UMPS: variants seen among roughly 807,000 people sequenced by gnomAD.
The protein encoded by UMPS is uridine monophosphate synthetase, also known as uridine 5'-monophosphate synthase.
Under a neutral mutation model 38.9 loss-of-function variants are expected in UMPS, and 21 were observed. The observed-to-expected ratio is 0.54, with a 90% confidence interval of 0.38 to 0.78. UMPS has a LOEUF of 0.78. Ranked by LOEUF, UMPS falls within the 30% of genes least tolerant of loss-of-function variation. The probability of loss-of-function intolerance (pLI) is 0.00; values close to 1 mark genes in which losing one functional copy is unlikely to be tolerated. For missense variants in UMPS, 533 were observed against 591.6 expected, an observed-to-expected ratio of 0.90 and a Z score of 1.03; for synonymous variants, 208 against 219.3, an observed-to-expected ratio of 0.95 and a Z score of 0.45.
chr3:124,740,080 G>C lies in UMPS; in HGVS notation c.1039G>C (p.Gly347Arg). 6.2e-7 allele frequency: 1 copy of C among 1,614,150 alleles called. No individual in the cohort carries two copies. Among genetic ancestry groups the C allele is most frequent in the Non-Finnish European group, 8.5e-7 (1 of 1,180,044 alleles). ...TCTAGTAAATGCTCACGTGGTGCCA[G>C]GCTCAGGAGTTGTGAAAGGCCTGCA... ...ADLVNAHVVP[G>R]SGVVKGLQEV... Residue 347 changes from glycine to arginine, a missense_variant, in exon 4 of 6, where the codon GGC (glycine) becomes CGC (arginine). Gly to Arg is a moderately radical substitution (Grantham distance 125). Transcript: ENST00000232607.
chr3:124,736,341 A>G (rs2063517969), intron 2 of UMPS, among the ~76,000 whole-genome samples: 1 of 152,176 alleles, frequency 6.6e-6, no homozygotes. Context: ...TTGGTTTATT[A>G]GTGTTTTGTT....
rs1243953135 is a variant in UMPS, at chr3:124,748,850, C to T, written c.*4766C>T. The T allele has an allele frequency of 7.2e-6, 3 of 414,686 alleles. No individual in the cohort carries two copies. Among genetic ancestry groups the T allele is most frequent in the Non-Finnish European group, 1.4e-5 (3 of 208,576 alleles). 25.7% of individuals were successfully genotyped at this position (414,686 alleles called of 1,614,324 possible). ...AACATTATAGAGAAGCTGAATTCTC[C>T]TGTTTTTCTGAAAAGGGCATGGGAG... On this transcript the variant is annotated 3_prime_UTR_variant, in exon 6 of 6. Coordinates refer to ENST00000232607, the MANE Select transcript of UMPS (RefSeq NM_000373.4).
rs1407309927 is a variant in UMPS at position 124,749,197 on chromosome 3, T to A, written c.*5113T>A. ...CTTGAATAGATACTTGAAGCAGAGA[T>A]GATGTTGAGTTAAAAAAAATATATA... On this transcript the variant is annotated 3_prime_UTR_variant, in exon 6 of 6. Transcript: ENST00000232607. The A allele has an allele frequency of 4.4e-6, 2 of 454,010 alleles. No individual in the cohort carries two copies. Among genetic ancestry groups the A allele is most frequent in the Non-Finnish European group, 8.8e-6 (2 of 226,760 alleles). 28.1% of individuals were successfully genotyped at this position (454,010 alleles called of 1,614,324 possible). A position where few individuals can be genotyped will look rare whatever the true frequency, so the allele number is the denominator to read the frequency against.
chr3:124,738,149 T>A lies in UMPS; in HGVS notation c.892T>A (p.Leu298Met), dbSNP rs756427427. 6.2e-7 allele frequency: 1 copy of A among 1,614,148 alleles called. No individual in the cohort carries two copies. Among genetic ancestry groups the A allele is most frequent in the South Asian group, 1.1e-5 (1 of 91,086 alleles). The change falls in exon 3 of 6, where the codon TTG becomes ATG. Residue 298 changes from leucine to methionine, a missense_variant. Coordinates refer to ENST00000232607, the MANE Select transcript of UMPS (RefSeq NM_000373.4). Reference sequence around the variant, plus strand: ...TTTTACTCTGGATGTGATGAAGGAGTTGATAACTCTGGCAAAATGCCATGA... The same window carrying A: ...TTTTACTCTGGATGTGATGAAGGAGATGATAACTCTGGCAAAATGCCATGA... ...NDFTLDVMKE[L>M]ITLAKCHEFL...
Position 124,738,046 on chromosome 3 carries a change from C to T in UMPS, c.789C>T (p.Ala263=), listed in dbSNP as rs1379050869. Residue 263 remains alanine (A), a synonymous_variant, in exon 3 of 6, where the codon GCC becomes GCT. Coordinates refer to ENST00000232607, the MANE Select transcript of UMPS (RefSeq NM_000373.4). ...GTCTATCTGCTGATGTTTCACTGGC[C>T]AGAGAGCTGTTGCAGCTAGCAGATG... is the stretch of plus-strand genomic sequence containing the variant. ...NLCLSADVSL[A]RELLQLADAL... is the part of the protein sequence containing the mutation. The T allele has an allele frequency of 1.2e-6, 2 of 1,614,174 alleles. No homozygotes were observed. The highest frequency in any genetic ancestry group is 1.7e-6 in the Non-Finnish European group (2 of 1,180,036).
chr3:124,742,236 T>C lies in UMPS; in HGVS notation c.1243T>C (p.Leu415=). The C allele has an allele frequency of 6.2e-7, 1 of 1,614,178 alleles. No individual in the cohort carries two copies. The highest frequency in any genetic ancestry group is 8.5e-7 in the Non-Finnish European group (1 of 1,180,016). Residue 415 remains leucine (L), a synonymous_variant, in exon 5 of 6, where the codon TTG becomes CTG. Coordinates refer to ENST00000232607, the MANE Select transcript of UMPS (RefSeq NM_000373.4). The part of the protein sequence containing the change: ...RVSMKPEFLH[L]TPGVQLEAGG... ...AAGCATGAAACCAGAATTTCTTCAC[T>C]TGACTCCAGGAGTTCAGTTGGAAGC...
Position 124,744,296 on chromosome 3 carries a change from C to G in UMPS, c.*212C>G. On this transcript the variant is annotated 3_prime_UTR_variant, in exon 6 of 6. Coordinates refer to ENST00000232607, the MANE Select transcript of UMPS (RefSeq NM_000373.4). ...ATACTATAATAAGTTCATTCTTAAG[C>G]TTGCTTTTTTTGAGACTGGTGTTTG... is the stretch of plus-strand genomic sequence containing the variant. 1.5e-6 allele frequency: 1 copy of G among 673,690 alleles called. No individual in the cohort carries two copies. Among genetic ancestry groups the G allele is most frequent in the Non-Finnish European group, 2.6e-6 (1 of 381,568 alleles). The allele number at this position is 673,690 out of a possible 1,614,324, so 41.7% of individuals were successfully genotyped here. A position where few individuals can be genotyped will look rare whatever the true frequency, so the allele number is the denominator to read the frequency against.
At chr3:124,736,085 C>G (rs1187339314) in intron 2 of UMPS, among the ~76,000 whole-genome samples, 1 of 151,866 alleles carries the variant, frequency 6.6e-6, no homozygotes, top group Non-Finnish European at 1.5e-5. Context: ...AGTTTGAGAC[C>G]AGCTTTGGCA....
intron 4 of UMPS, among the ~76,000 whole-genome samples, chr3:124,740,938 G>C (rs191318115): frequency 2.6e-5 from 4 of 152,076 alleles, no homozygotes; most frequent in Non-Finnish European, 5.9e-5. Context: ...AAGAGTAAGA[G>C]CCTGTCAAAA....
chr3:124,732,403 A>G (rs2063486043), intron 1 of UMPS: 1 of 154,844 alleles, frequency 6.5e-6, no homozygotes, highest in Non-Finnish European at 1.5e-5. Context: ...TTTCTAATAC[A>G]GTGCTTCTCA....
In UMPS at chr3:124,740,125, C is replaced by T. The variant is rs2063546227; in HGVS notation, c.1084C>T (p.His362Tyr). The stretch of plus-strand genomic sequence containing the variant: ...CCTGCAAGAAGTGGGCCTGCCTTTG[C>T]ATCGGGGGTGCCTCCTTATTGCGGA... ...KGLQEVGLPLHRGCLLIAEMS... is the reference protein window; with the variant it reads ...KGLQEVGLPLYRGCLLIAEMS... Residue 362 changes from histidine to tyrosine, a missense_variant, in exon 4 of 6, where the codon CAT (histidine) becomes TAT (tyrosine). His to Tyr is a moderately conservative substitution (Grantham distance 83). Transcript: ENST00000232607. 1.2e-6 allele frequency: 2 copies of T among 1,613,932 alleles called. No homozygotes were observed. The highest frequency in any genetic ancestry group is 1.3e-5 in the African/African-American group (1 of 74,888).
intron 2 of UMPS, chr3:124,737,357 A>G: frequency 1.8e-6 from 1 of 566,088 alleles, no homozygotes; most frequent in South Asian, 2.2e-5. Flanking sequence ...CTATAAATAT[A>G]CTGTATGTGT....
At position 124,745,936 on chromosome 3, in the gene UMPS, C is replaced by T. The variant is rs763299885; in HGVS notation, c.*1852C>T. On this transcript the variant is annotated 3_prime_UTR_variant, in exon 6 of 6. Transcript: ENST00000232607. The stretch of plus-strand genomic sequence containing the variant: ...TGTCAAAACAGGTACCAGCCCCACC[C>T]GCAGCGTTTCTGACTCTGGGTAGCT... 1.3e-5 allele frequency: 6 copies of T among 453,998 alleles called. No homozygotes were observed. The highest frequency in any genetic ancestry group is 4.7e-5 in the Admixed American group (2 of 42,560). 28.1% of individuals were successfully genotyped at this position (453,998 alleles called of 1,614,324 possible).
Position 124,742,167 on chromosome 3 carries a change from G to GA in UMPS, c.1175dup (p.His393AlafsTer3). On this transcript the variant is annotated frameshift_variant, in exon 5 of 6. Coordinates refer to ENST00000232607, the MANE Select transcript of UMPS (RefSeq NM_000373.4). LOFTEE classifies it high-confidence loss of function. ...TTCCATTTAGGTTAGAATGGCTGAG[G>GA]AGCACTCTGAATTTGTTGTTGGTTT... The GA allele has an allele frequency of 6.2e-7, 1 of 1,613,740 alleles. No individual in the cohort carries two copies. The highest frequency in any genetic ancestry group is 8.5e-7 in the Non-Finnish European group (1 of 1,179,884).
Position 124,747,869 on chromosome 3 carries a change from C to T in UMPS, c.*3785C>T. 2.2e-6 allele frequency: 1 copy of T among 453,562 alleles called. No individual in the cohort carries two copies. Among genetic ancestry groups the T allele is most frequent in the Non-Finnish European group, 4.4e-6 (1 of 226,390 alleles). 28.1% of individuals were successfully genotyped at this position (453,562 alleles called of 1,614,324 possible). On this transcript the variant is annotated 3_prime_UTR_variant, in exon 6 of 6. Transcript: ENST00000232607. ...AATCCTGTACTTTAACACAGTGGAC[C>T]AAGTGTCAGTCATTGAAAATGACCA...
rs1241360381 is a variant in UMPS at position 124,744,237 on chromosome 3, A to G, written c.*153A>G. On this transcript the variant is annotated 3_prime_UTR_variant, in exon 6 of 6. Coordinates refer to ENST00000232607, the MANE Select transcript of UMPS (RefSeq NM_000373.4). ...GGGTTCTGGAGTTCTCATGGTCTTT[A>G]GGAAATATTGAGTAATTTGTAATCA... 1.1e-6 allele frequency: 1 copy of G among 893,042 alleles called. No homozygotes were observed. The allele number at this position is 893,042 out of a possible 1,614,324, so 55.3% of individuals were successfully genotyped here.
At position 124,738,215 on chromosome 3, in the gene UMPS, A is replaced by G. The variant is rs771075296; in HGVS notation, c.958A>G (p.Asn320Asp). The change falls in exon 3 of 6, where the codon AAC becomes GAC. Residue 320 changes from asparagine (N) to aspartate (D), a missense_variant. Asn to Asp is a conservative substitution (Grantham distance 23). Coordinates refer to ENST00000232607, the MANE Select transcript of UMPS (RefSeq NM_000373.4). Reference protein sequence around the residue: ...FEDRKFADIGNTVKKQYEGGI... With the variant: ...FEDRKFADIGDTVKKQYEGGI... ...AGACCGGAAGTTTGCAGATATAGGA[A>G]ACACAGTGAAAAAGCAGTATGAAGG... is the stretch of plus-strand genomic sequence containing the variant. The G allele has an allele frequency of 9.3e-6, 15 of 1,614,006 alleles. No homozygotes were observed. Among genetic ancestry groups the G allele is most frequent in the Non-Finnish European group, 1.3e-5 (15 of 1,180,060 alleles).
At chr3:124,739,817 C>T (rs1464195648) in intron 3 of UMPS, among the ~76,000 whole-genome samples, 2 of 152,200 alleles carry the variant, frequency 1.3e-5, no homozygotes, top group Non-Finnish European at 2.9e-5. Flanking sequence ...TGTGATCTCT[C>T]ACCCAGCTAC....
At chr3:124,739,949 AGTTGGTTG>A in intron 3 of UMPS, 67 bp from the exon 4 acceptor site, 2 of 1,358,586 alleles carry the variant, frequency 1.5e-6, no homozygotes, top group Non-Finnish European at 2.1e-6. Flanking sequence ...TTCATATTGT[AGTTGGTTG>A]GTTGGACAAG....
Sources: allele counts gnomAD v4.1 joint callset (sites outside exome capture counted in the v4.1 genomes callset), GRCh38; gene constraint gnomAD v4.1.1; transcripts MANE v1.5; gene names NCBI Gene and HGNC (gene_info 2026-07-23, HGNC 2026-07-21).